OPA1: variants seen among roughly 807,000 people sequenced by gnomAD.
OPA1 encodes OPA1 mitochondrial dynamin like GTPase.
Under a neutral mutation model 152.9 loss-of-function variants are expected in OPA1, and 59 were observed. That is an observed-to-expected ratio of 0.39 (90% CI 0.31 to 0.48). The LOEUF (loss-of-function observed/expected upper bound fraction) is 0.48. OPA1 is among the 20% of genes least tolerant of loss of function. The pLI is 0.96. For missense variants in OPA1, 1,008 were observed against 1,216.8 expected (o/e 0.83, Z 2.55); for synonymous variants, 400 against 389.9 (o/e 1.03, Z -0.31).
intron 11 of OPA1, among the ~76,000 whole-genome samples, chr3:193,640,596 GA>G (rs1733639118): frequency 6.6e-6 from 1 of 152,202 alleles, no homozygotes; most frequent in African/African-American, 2.4e-5. Flanking sequence ...GAGGCAGGAA[GA>G]AAAAGTGAAG....
chr3:193,601,250 G>T lies in OPA1; in HGVS notation c.32+7841G>T, dbSNP rs184094025. Among the ~76,000 whole-genome samples the T allele has an allele frequency of 2.0e-5, 3 of 151,806 alleles. No homozygotes were observed. The East Asian group carries it at 5.8e-4, about 29-fold the overall frequency. ...AGGAACCCCAGTGGAATCTTTCCCC[G>T]GTAGAAACTAGCTTATCCTCGTCTA... On this transcript the variant is annotated intron_variant, in intron 1 of 30. Transcript: ENST00000361510.
intron 26 of OPA1, among the ~76,000 whole-genome samples, chr3:193,664,439 G>A (rs890719320): frequency 6.6e-6 from 1 of 151,638 alleles, no homozygotes; most frequent in South Asian, 2.1e-4. Context: ...ATATTGGTAT[G>A]GTAGCAGTAA....
chr3:193,598,745 A>G (rs1725999197), intron 1 of OPA1, among the ~76,000 whole-genome samples: 2 of 152,262 alleles, frequency 1.3e-5, no homozygotes, highest in Admixed American at 6.5e-5. Context: ...CGACTCTCTA[A>G]TACAGCTATT....
At chr3:193,594,424 G>A (rs1282054884) in intron 1 of OPA1, among the ~76,000 whole-genome samples, 1 of 152,242 alleles carries the variant, frequency 6.6e-6, no homozygotes, top group Non-Finnish European at 1.5e-5. Flanking sequence ...GTCTTGCTCT[G>A]TCGTCCAGGC....
At chr3:193,651,192 T>G (rs1445001762) in intron 21 of OPA1, among the ~76,000 whole-genome samples, 4 of 152,150 alleles carry the variant, frequency 2.6e-5, no homozygotes, top group Non-Finnish European at 5.9e-5. Flanking sequence ...GGGTGGTCAC[T>G]GAAGAGGATT....
intron 8 of OPA1, among the ~76,000 whole-genome samples, chr3:193,632,460 G>A (rs888206562): frequency 2.6e-5 from 4 of 152,206 alleles, no homozygotes; most frequent in African/African-American, 7.2e-5. Context: ...CAGCCTGGGC[G>A]ACAGAGCAAG....
intron 7 of OPA1, chr3:193,627,142 C>G (rs1276815470): frequency 2.0e-5 from 3 of 152,124 alleles, no homozygotes; most frequent in Non-Finnish European, 4.4e-5. Context: ...TTTAAATCAA[C>G]CAATATTATA....
intron 1 of OPA1, among the ~76,000 whole-genome samples, chr3:193,614,323 C>T (rs1033013343): frequency 2.0e-5 from 3 of 152,188 alleles, no homozygotes; most frequent in African/African-American, 7.2e-5. Flanking sequence ...TAAAATAAGT[C>T]CCTGCCTTTT....
intron 7 of OPA1, among the ~76,000 whole-genome samples, chr3:193,630,114 T>C (rs1228048605): frequency 1.3e-5 from 2 of 152,222 alleles, no homozygotes; most frequent in African/African-American, 4.8e-5. Context: ...TATTTCTTCA[T>C]TGGCTTTCAA....
At chr3:193,674,717 A>G (rs1718605471) in intron 29 of OPA1, among the ~76,000 whole-genome samples, 1 of 152,254 alleles carries the variant, frequency 6.6e-6, no homozygotes, top group South Asian at 2.1e-4. Context: ...CTTAATTTCT[A>G]CAGTGACTTC....
At chr3:193,666,792 T>TA (rs1054828078) in intron 28 of OPA1, among the ~76,000 whole-genome samples, 194 of 148,338 alleles carry the variant, frequency 1.3e-3, no homozygotes, top group African/African-American at 4.2e-3. Flanking sequence ...CTTGTCTCTT[T>TA]AAAAAAAAAA....
intron 27 of OPA1, among the ~76,000 whole-genome samples, chr3:193,665,240 G>T (rs1054412854): frequency 2.0e-5 from 3 of 148,454 alleles, no homozygotes; most frequent in African/African-American, 7.6e-5. Context: ...GTAAAAAAAA[G>T]TGTGAATATA....
Position 193,688,449 on chromosome 3 carries a change from C to CTTTTTTTTTTTTTTT in OPA1, c.2984-3581_2984-3567dup, listed in dbSNP as rs766448341. ...TGATTTTTACTGAAATGGGTCTTTT[C>CTTTTTTTTTTTTTTT]TTTTTTTTTTTTTTTTTTTTTTTTT... is the stretch of plus-strand genomic sequence containing the variant. On this transcript the variant is annotated intron_variant, in intron 29 of 30. Transcript: ENST00000361510. Among the ~76,000 whole-genome samples the CTTTTTTTTTTTTTTT allele has an allele frequency of 2.1e-4, 13 of 63,354 alleles. 2 individuals carry two copies. The highest frequency in any genetic ancestry group is 5.7e-4 in the East Asian group (1 of 1,750). 41.6% of individuals were successfully genotyped at this position (63,354 alleles called of 152,430 possible). A position where few individuals can be genotyped will look rare whatever the true frequency, so the allele number is the denominator to read the frequency against.
At chr3:193,619,024 A>T in intron 6 of OPA1, 88 bp downstream of exon 6, 4 of 1,032,932 alleles carry the variant, frequency 3.9e-6, no homozygotes, top group South Asian at 2.6e-5. Flanking sequence ...AAATGATAAC[A>T]TCTGAGAAGC....
At chr3:193,692,783 A>G (rs1162520982) in intron 30 of OPA1, among the ~76,000 whole-genome samples, 1 of 152,082 alleles carries the variant, frequency 6.6e-6, no homozygotes, top group Non-Finnish European at 1.5e-5. Context: ...TTGAGAGGAG[A>G]CCTCGCTCTG....
In OPA1 at chr3:193,648,057, C is replaced by T. The variant is rs1711510039; in HGVS notation, c.1871-13C>T. ...GGAGGGTCATCAAACTTGAACTTTT[C>T]CTTCTTCCTCAGCAACACGTTTTAA... On this transcript the variant is annotated splice_polypyrimidine_tract_variant and intron_variant, in intron 19 of 30. Transcript: ENST00000361510. 1 of 1,608,684 alleles carries T rather than the reference C, an allele frequency of 6.2e-7. No homozygotes were observed. Among genetic ancestry groups the T allele is most frequent in the Non-Finnish European group, 8.5e-7 (1 of 1,175,176 alleles).
chr3:193,651,040 A>G (rs1202491922), intron 21 of OPA1, among the ~76,000 whole-genome samples: 2 of 152,184 alleles, frequency 1.3e-5, no homozygotes, highest in Admixed American at 6.5e-5. Flanking sequence ...AGAACAAGAA[A>G]GGCGACACAG....
chr3:193,618,349 A>AGCC (rs1729402800), intron 5 of OPA1, among the ~76,000 whole-genome samples: 1 of 151,976 alleles, frequency 6.6e-6, no homozygotes, highest in Admixed American at 6.6e-5. Flanking sequence ...GTGGTGGCAC[A>AGCC]CGCCTGTAGT....
At chr3:193,679,456 A>G (rs998600403) in intron 29 of OPA1, among the ~76,000 whole-genome samples, 1 of 151,998 alleles carries the variant, frequency 6.6e-6, no homozygotes, top group Non-Finnish European at 1.5e-5. Flanking sequence ...CTGCTTGTCC[A>G]TGTGTGTCTG....
Sources: gnomAD v4.1 joint callset for allele counts (sites outside exome capture counted in the v4.1 genomes callset) on GRCh38, gnomAD v4.1.1 for gene constraint, MANE v1.5 for transcripts, NCBI Gene and HGNC (gene_info 2026-07-23, HGNC 2026-07-21) for gene names.